The following PACRG variants were observed in gnomAD, a reference collection of about 807,000 sequenced individuals.
The protein encoded by PACRG is parkin coregulated gene protein.
Under a neutral mutation model 29.7 loss-of-function variants are expected in PACRG, and 29 were observed. The ratio of observed to expected loss-of-function variants is 0.98; its 90% CI spans 0.73 to 1.33. The LOEUF is 1.33. Among genes scored for constraint, PACRG ranks in the 40% most tolerant of loss-of-function variants. PACRG has a pLI of 0.00. For synonymous variants in PACRG, 116 were observed against 118.7 expected, an observed-to-expected ratio of 0.98 and a Z score of 0.15; for missense variants, 279 against 316.2, an observed-to-expected ratio of 0.88 and a Z score of 0.89.
At chr6:163,080,755 C>T (rs1023093172) in intron 3 of PACRG, among the ~76,000 whole-genome samples, 5 of 152,090 alleles carry the variant, frequency 3.3e-5, no homozygotes, top group African/African-American at 1.2e-4. Flanking sequence ...AAGAGTCAGC[C>T]ACTTGTAATG....
chr6:162,999,484 A>G (rs1804388949), intron 2 of PACRG, among the ~76,000 whole-genome samples: 1 of 152,328 alleles, frequency 6.6e-6, no homozygotes, highest in East Asian at 1.9e-4. Flanking sequence ...TAGAAGCTCA[A>G]TACAAGATTG....
At chr6:163,107,859 C>G (rs1368362268) in intron 4 of PACRG, among the ~76,000 whole-genome samples, 1 of 152,178 alleles carries the variant, frequency 6.6e-6, no homozygotes, top group Admixed American at 6.5e-5. Flanking sequence ...TTCTCTTGCT[C>G]TATAAATTTC....
At chr6:163,189,914 C>T (rs1780127616) in intron 4 of PACRG, 1 of 152,300 alleles carries the variant, frequency 6.6e-6, no homozygotes, top group East Asian at 1.9e-4. Context: ...ACGGGCAGAC[C>T]CCCAGGTGGC....
chr6:162,803,770 G>T (rs1224915431), intron 1 of PACRG, among the ~76,000 whole-genome samples: 1 of 152,046 alleles, frequency 6.6e-6, no homozygotes, highest in African/African-American at 2.4e-5. Flanking sequence ...GTTAAATGTA[G>T]TAATCTAAAT....
chr6:163,274,240 C>T (rs947363026), intron 4 of PACRG, among the ~76,000 whole-genome samples: 2 of 152,148 alleles, frequency 1.3e-5, no homozygotes, highest in South Asian at 2.1e-4. Flanking sequence ...TCCAAATGTT[C>T]TCATTGTTCA....
intron 4 of PACRG, among the ~76,000 whole-genome samples, chr6:163,174,612 G>A (rs887508258): frequency 6.6e-6 from 1 of 152,120 alleles, no homozygotes; most frequent in African/African-American, 2.4e-5. Context: ...CTATTTTAAG[G>A]ACCATCGCAG....
chr6:162,998,915 C>G (rs1804329141), intron 2 of PACRG, among the ~76,000 whole-genome samples: 1 of 152,110 alleles, frequency 6.6e-6, no homozygotes, highest in African/African-American at 2.4e-5. Flanking sequence ...TCACTCTTTC[C>G]TTAGTGGACA....
intron 2 of PACRG, among the ~76,000 whole-genome samples, chr6:162,977,488 A>G (rs1802054396): frequency 6.6e-6 from 1 of 151,696 alleles, no homozygotes; most frequent in Non-Finnish European, 1.5e-5. Context: ...ATAAAATACT[A>G]ATGTTCCACT....
intron 2 of PACRG, among the ~76,000 whole-genome samples, chr6:162,879,817 G>A (rs1793680113): frequency 6.6e-6 from 1 of 152,182 alleles, no homozygotes. Context: ...ATTCAAGAGG[G>A]CAGGGAACGT....
intron 2 of PACRG, among the ~76,000 whole-genome samples, chr6:162,899,976 G>A (rs1795439202): frequency 6.6e-6 from 1 of 152,144 alleles, no homozygotes; most frequent in Non-Finnish European, 1.5e-5. Context: ...GCATGCAGAG[G>A]ATGAGGGGAA....
Position 162,912,440 on chromosome 6 carries a change from G to A in PACRG, c.291+98159G>A, listed in dbSNP as rs574426770. The stretch of plus-strand genomic sequence containing the variant: ...CCCAGAAGCAGTGCACAAGTATTGC[G>A]GTATCACCACATCCTTGCCAGCATG... On this transcript the variant is annotated intron_variant, in intron 2 of 4. Coordinates refer to ENST00000366888, the MANE Select transcript of PACRG (RefSeq NM_001080379.2). Among the ~76,000 whole-genome samples the A allele has an allele frequency of 1.2e-4, 18 of 152,218 alleles. 1 individual carries two copies. In the South Asian group the frequency reaches 1.5e-3, roughly 12 times the overall value.
intron 4 of PACRG, among the ~76,000 whole-genome samples, chr6:163,249,436 C>T (rs1782819681): frequency 6.6e-6 from 1 of 152,214 alleles, no homozygotes; most frequent in Admixed American, 6.5e-5. Context: ...AAATAGCCGG[C>T]TGGCAAGTGC....
chr6:163,240,412 C>T (rs1170966916), intron 4 of PACRG, among the ~76,000 whole-genome samples: 4 of 152,178 alleles, frequency 2.6e-5, no homozygotes, highest in South Asian at 2.1e-4. Context: ...CTCCCGTCCT[C>T]GTGAAGACTT....
intron 3 of PACRG, among the ~76,000 whole-genome samples, chr6:163,062,537 C>T (rs902787990): frequency 6.6e-6 from 1 of 152,182 alleles, no homozygotes; most frequent in African/African-American, 2.4e-5. Context: ...AACCAAATTC[C>T]ATGGGGTTTG....
At chr6:162,888,954 G>A (rs1409638477) in intron 2 of PACRG, among the ~76,000 whole-genome samples, 7 of 152,170 alleles carry the variant, frequency 4.6e-5, no homozygotes, top group Non-Finnish European at 8.8e-5. Context: ...TCAGTCATGC[G>A]GCCATGGGAT....
intron 3 of PACRG, among the ~76,000 whole-genome samples, chr6:163,084,771 A>G (rs1813390947): frequency 6.6e-6 from 1 of 151,412 alleles, no homozygotes; most frequent in South Asian, 2.1e-4. Flanking sequence ...CAAATGATCA[A>G]TTAGGTATAG....
chr6:162,847,259 C>T (rs1258271123), intron 2 of PACRG, among the ~76,000 whole-genome samples: 2 of 152,210 alleles, frequency 1.3e-5, no homozygotes, highest in African/African-American at 4.8e-5. Context: ...CCTTCACACC[C>T]TCTTCATCAA....
At position 162,992,877 on chromosome 6, in the gene PACRG, C is replaced by T. The variant is rs1015231046; in HGVS notation, c.292-69273C>T. On this transcript the variant is annotated intron_variant, in intron 2 of 4. Coordinates refer to ENST00000366888, the MANE Select transcript of PACRG (RefSeq NM_001080379.2). Reference sequence around the variant, plus strand: ...TTTCCTGCTTTCTCTTGTGGGCATTCAGTGCTATAAATTTCCCTCTACACA... The same window carrying T: ...TTTCCTGCTTTCTCTTGTGGGCATTTAGTGCTATAAATTTCCCTCTACACA... Among the ~76,000 whole-genome samples, 9 of 151,200 alleles carry T rather than the reference C, an allele frequency of 6.0e-5. No homozygotes were observed. In the East Asian group the frequency reaches 9.7e-4, roughly 16 times the overall value.
intron 4 of PACRG, among the ~76,000 whole-genome samples, chr6:163,203,448 T>C (rs895761950): frequency 6.6e-6 from 1 of 152,040 alleles, no homozygotes; most frequent in Non-Finnish European, 1.5e-5. Context: ...CCACCAAACA[T>C]TGTAGAAGAA....
Sources: gnomAD v4.1 joint callset for allele counts (sites outside exome capture counted in the v4.1 genomes callset) on GRCh38, gnomAD v4.1.1 for gene constraint, MANE v1.5 for transcripts, NCBI Gene and HGNC (gene_info 2026-07-23, HGNC 2026-07-21) for gene names.